Variants in GAREM1 observed in about 807,000 individuals in gnomAD.
The protein encoded by GAREM1 is GRB2 associated regulator of MAPK1 subtype 1, also known as GRB2-associated and regulator of MAPK protein 1.
A neutral mutation model predicts 71.3 loss-of-function variants in GAREM1; 26 were observed. The observed-to-expected ratio is 0.36, with a 90% CI of 0.27 to 0.51. The LOEUF is 0.51. GAREM1 is among the 20% of genes least tolerant of loss of function. The pLI, the probability that GAREM1 is intolerant of heterozygous loss-of-function variation, is 0.95. For synonymous variants in GAREM1, 440 were observed against 433.2 expected (o/e 1.02, Z -0.20); for missense variants, 1,026 against 1,103.1 (o/e 0.93, Z 0.99).
chr18:32,300,496 GT>G (rs1598942290), intron 3 of GAREM1, among the ~76,000 whole-genome samples: 1 of 151,834 alleles, frequency 6.6e-6, no homozygotes, highest in East Asian at 2.0e-4. Flanking sequence ...CTAATAAACT[GT>G]TTTTGTGTTT....
intron 1 of GAREM1, among the ~76,000 whole-genome samples, chr18:32,419,417 T>A (rs571871556): frequency 6.6e-6 from 1 of 152,236 alleles, no homozygotes; most frequent in East Asian, 1.9e-4. Flanking sequence ...AGAGCCCTCA[T>A]GGGTAAGATT....
chr18:32,269,693 A>G (rs1300575983), intron 5 of GAREM1, among the ~76,000 whole-genome samples: 1 of 152,210 alleles, frequency 6.6e-6, no homozygotes, highest in East Asian at 1.9e-4. Context: ...GTACTTGCCA[A>G]CAATGGAATG....
At chr18:32,322,407 G>T (rs770119976) in intron 2 of GAREM1, among the ~76,000 whole-genome samples, 6 of 152,058 alleles carry the variant, frequency 3.9e-5, no homozygotes, top group Non-Finnish European at 7.3e-5. Context: ...GCACCATCTG[G>T]AATACCTTTC....
chr18:32,335,478 G>A (rs2047581737), intron 2 of GAREM1, among the ~76,000 whole-genome samples: 1 of 152,112 alleles, frequency 6.6e-6, no homozygotes, highest in African/African-American at 2.4e-5. Context: ...TTTTGAACTG[G>A]GAGCTAATCA....
chr18:32,404,608 A>C (rs16963334), intron 1 of GAREM1, among the ~76,000 whole-genome samples: 1 of 152,166 alleles, frequency 6.6e-6, no homozygotes, highest in Non-Finnish European at 1.5e-5. Context: ...TAGAGTAACT[A>C]GCTTGGTCAA....
chr18:32,294,504 ATAACT>A, intron 3 of GAREM1, among the ~76,000 whole-genome samples: 1 of 152,328 alleles, frequency 6.6e-6, no homozygotes, highest in East Asian at 1.9e-4. Context: ...GTTTGTAATG[ATAACT>A]TTATTGTAGT....
chr18:32,270,416 C>A, intron 4 of GAREM1, 33 bp from the exon 5 acceptor site: 1 of 1,575,924 alleles, frequency 6.3e-7, no homozygotes, highest in Non-Finnish European at 8.6e-7. Flanking sequence ...AGGTTAGCAA[C>A]AGACTGACAA....
chr18:32,351,715 T>C (rs2047754718), intron 2 of GAREM1, among the ~76,000 whole-genome samples: 1 of 150,776 alleles, frequency 6.6e-6, no homozygotes, highest in Non-Finnish European at 1.5e-5. Context: ...TTTTTTTTTT[T>C]ACTTACACAG....
intron 2 of GAREM1, among the ~76,000 whole-genome samples, chr18:32,336,782 C>A (rs1241966406): frequency 6.6e-6 from 1 of 152,164 alleles, no homozygotes; most frequent in Non-Finnish European, 1.5e-5. Context: ...CAGCTTGAAT[C>A]GGAACAAGCA....
At chr18:32,320,375 T>G (rs1456217727) in intron 2 of GAREM1, among the ~76,000 whole-genome samples, 1 of 152,174 alleles carries the variant, frequency 6.6e-6, no homozygotes, top group Non-Finnish European at 1.5e-5. Context: ...AACTTGAAAT[T>G]CTACAACATG....
intron 2 of GAREM1, among the ~76,000 whole-genome samples, chr18:32,326,986 A>T (rs1163050049): frequency 6.6e-6 from 1 of 152,212 alleles, no homozygotes; most frequent in Non-Finnish European, 1.5e-5. Flanking sequence ...GAGAGGAGTG[A>T]CTTTGTCAGG....
rs1161012567 is a variant in GAREM1, at chr18:32,265,015, T to C, written c.*2856A>G. 1 of 152,090 alleles carries C rather than the reference T, an allele frequency of 6.6e-6. No individual in the cohort carries two copies. Among genetic ancestry groups the C allele is most frequent in the Non-Finnish European group, 1.5e-5 (1 of 67,988 alleles). The allele number at this position is 152,090 out of a possible 1,614,324, so 9.4% of individuals were successfully genotyped here. The stretch of plus-strand genomic sequence containing the variant: ...TGGATCTCTGGGCATCACTTTTCAC[T>C]GCAGAATCGCAGGGAAGGGCTGTGA... On this transcript the variant is annotated 3_prime_UTR_variant, in exon 6 of 6. Coordinates refer to ENST00000269209, the MANE Select transcript of GAREM1 (RefSeq NM_001242409.2).
intron 2 of GAREM1, among the ~76,000 whole-genome samples, chr18:32,367,586 C>A (rs918312135): frequency 2.0e-5 from 3 of 152,220 alleles, no homozygotes; most frequent in African/African-American, 7.2e-5. Context: ...ACGAGAAGAG[C>A]AATCTCTCAG....
chr18:32,288,693 T>C lies in GAREM1; in HGVS notation c.394-490A>G, dbSNP rs1598933326. Among the ~76,000 whole-genome samples the C allele has an allele frequency of 2.6e-5, 4 of 152,130 alleles. No homozygotes were observed. The East Asian group carries it at 7.7e-4, about 29-fold the overall frequency. On this transcript the variant is annotated intron_variant, in intron 3 of 5. Transcript: ENST00000269209. ...GGAAGAAATATTAAAAATACAAATA[T>C]AAAAATGAAGAACTTCTATACTATC...
intron 1 of GAREM1, among the ~76,000 whole-genome samples, chr18:32,431,371 T>C (rs1417740309): frequency 1.3e-5 from 2 of 152,198 alleles, no homozygotes; most frequent in Non-Finnish European, 2.9e-5. Context: ...GGCTCACGCC[T>C]GTAATCCCAG....
intron 1 of GAREM1, among the ~76,000 whole-genome samples, chr18:32,446,092 C>T (rs2048783173): frequency 6.6e-6 from 1 of 152,118 alleles, no homozygotes. Context: ...CAGAGCTGTG[C>T]AGCAGAAATC....
In GAREM1 at chr18:32,391,928, CTATT is replaced by C. The variant is rs139572604; in HGVS notation, c.262+963_262+966del. ...CCCAGGAATCAAAAATGGTACCAAACTATTCATTCATTCATTAAATATTCATCAA... is the reference window on the plus strand; with the variant it reads ...CCCAGGAATCAAAAATGGTACCAAACCATTCATTCATTAAATATTCATCAA... On this transcript the variant is annotated intron_variant, in intron 2 of 5. Transcript: ENST00000269209. Among the ~76,000 whole-genome samples the C allele has an allele frequency of 6.9e-3, 1,050 of 152,262 alleles. 15 individuals are homozygous for C. The highest frequency in any genetic ancestry group is 0.024 in the African/African-American group (1,000 of 41,548).
chr18:32,427,273 G>C (rs751435600), intron 1 of GAREM1, among the ~76,000 whole-genome samples: 14 of 152,152 alleles, frequency 9.2e-5, no homozygotes, highest in Non-Finnish European at 1.8e-4. Context: ...CATTTACTGA[G>C]CAGCAATTCT....
chr18:32,420,365 GA>G (rs1187302801), intron 1 of GAREM1, among the ~76,000 whole-genome samples: 3,199 of 143,626 alleles, frequency 0.022, 66 homozygotes, highest in African/African-American at 0.052. Flanking sequence ...TTAAAAATAG[GA>G]AAAAAAAAAA....
Sources: allele counts gnomAD v4.1 joint callset (sites outside exome capture counted in the v4.1 genomes callset), GRCh38; gene constraint gnomAD v4.1.1; transcripts MANE v1.5; gene names NCBI Gene and HGNC (gene_info 2026-07-23, HGNC 2026-07-21).